Variants in KLF8 observed in about 807,000 individuals in gnomAD.
The protein encoded by KLF8 is KLF transcription factor 8.
KLF8 carries 10 observed loss-of-function variants against 18.2 expected under a neutral mutation model. The ratio of observed to expected loss-of-function variants is 0.55; its 90% CI spans 0.34 to 0.93. The LOEUF (loss-of-function observed/expected upper bound fraction) is 0.93. Among genes scored for constraint, KLF8 ranks in the 40% least tolerant of loss-of-function variants. The probability of loss-of-function intolerance (pLI) is 0.02; values close to 1 mark genes in which losing one functional copy is unlikely to be tolerated. For synonymous variants in KLF8, 109 were observed against 97.3 expected, an observed-to-expected ratio of 1.12 and a Z score of -0.71; for missense variants, 264 against 277.9, an observed-to-expected ratio of 0.95 and a Z score of 0.36.
chrX:56,101,508 T>C, the KLF8 span, among the ~76,000 whole-genome samples: 5 of 111,900 alleles, frequency 4.5e-5, no homozygotes, highest in Admixed American at 3.8e-4. Flanking sequence ...CGTCAAATGG[T>C]AGCTCCATTT....
the KLF8 span, among the ~76,000 whole-genome samples, chrX:56,189,342 A>T: frequency 8.9e-6 from 1 of 111,941 alleles, no homozygotes; most frequent in East Asian, 2.8e-4. Flanking sequence ...CACCAGTTAG[A>T]ATGGCAATCA....
chrX:56,133,932 A>AG, the KLF8 span, among the ~76,000 whole-genome samples: 4 of 111,005 alleles, frequency 3.6e-5, no homozygotes, highest in African/African-American at 9.8e-5. Context: ...CAAAAAAAAA[A>AG]AAATACTTAG....
chrX:55,952,784 T>A, the KLF8 span, among the ~76,000 whole-genome samples: 1 of 112,363 alleles, frequency 8.9e-6, no homozygotes, highest in East Asian at 2.8e-4. Flanking sequence ...TGACTGCTAA[T>A]ATTTACTTAT....
chrX:56,151,325 A>C, the KLF8 span, among the ~76,000 whole-genome samples: 1 of 111,942 alleles, frequency 8.9e-6, no homozygotes, highest in Non-Finnish European at 1.9e-5. Context: ...CAACTATAGA[A>C]GTATTCTCTA....
At chrX:55,944,833 A>G in the KLF8 span, among the ~76,000 whole-genome samples, 3 of 110,838 alleles carry the variant, frequency 2.7e-5, no homozygotes, top group East Asian at 8.5e-4. Context: ...TATTTCCTTC[A>G]GTTCTGCTGT....
At chrX:56,111,756 G>T in the KLF8 span, among the ~76,000 whole-genome samples, 4 of 112,192 alleles carry the variant, frequency 3.6e-5, no homozygotes, top group Non-Finnish European at 1.9e-5. Context: ...CGCCATTAGA[G>T]AAATGCAAAT....
the KLF8 span, among the ~76,000 whole-genome samples, chrX:55,997,220 T>C: frequency 8.9e-6 from 1 of 112,121 alleles, no homozygotes; most frequent in Non-Finnish European, 1.9e-5. Context: ...AGCCCTGTTA[T>C]GTCCAGGTCC....
the KLF8 span, among the ~76,000 whole-genome samples, chrX:56,148,590 C>A: frequency 2.7e-5 from 3 of 111,983 alleles, no homozygotes; most frequent in Admixed American, 2.9e-4. Flanking sequence ...TAAAGACATA[C>A]TCAAGACTGG....
chrX:56,152,525 G>A, the KLF8 span, among the ~76,000 whole-genome samples: 1 of 111,098 alleles, frequency 9.0e-6, no homozygotes, highest in African/African-American at 3.3e-5. Context: ...AATAATAGAG[G>A]AGGGATGGCA....
chrX:56,233,411 C>T, intron 1 of KLF8, 70 bp downstream of exon 1: 1 of 801,000 alleles, frequency 1.2e-6, no homozygotes, highest in African/African-American at 2.0e-5. Flanking sequence ...CCCTCCCAGT[C>T]CCCCTGCTCC....
chrX:55,968,264 G>A, the KLF8 span, among the ~76,000 whole-genome samples: 1 of 111,220 alleles, frequency 9.0e-6, no homozygotes, highest in African/African-American at 3.3e-5. Context: ...TAGTAACATT[G>A]ACTGTAAATG....
At chrX:56,086,805 G>T in the KLF8 span, among the ~76,000 whole-genome samples, 1 of 111,071 alleles carries the variant, frequency 9.0e-6, no homozygotes, top group Non-Finnish European at 1.9e-5. Context: ...TTAGTAATTA[G>T]CAATGGTTTA....
chrX:55,929,102 T>A, the KLF8 span, among the ~76,000 whole-genome samples: 1 of 112,713 alleles, frequency 8.9e-6, no homozygotes, highest in Non-Finnish European at 1.9e-5. Flanking sequence ...TGGTTTTGAT[T>A]TGCATTTCTC....
chrX:56,045,911 G>C, the KLF8 span, among the ~76,000 whole-genome samples: 1 of 111,607 alleles, frequency 9.0e-6, no homozygotes, highest in Non-Finnish European at 1.9e-5. Flanking sequence ...AGCAGGCATC[G>C]TTGTCTCTTC....
the KLF8 span, among the ~76,000 whole-genome samples, chrX:56,052,745 G>A: frequency 8.9e-6 from 1 of 112,150 alleles, no homozygotes; most frequent in Non-Finnish European, 1.9e-5. Context: ...TGCCCCCAGA[G>A]GTGTAGCCTA....
the KLF8 span, among the ~76,000 whole-genome samples, chrX:56,015,612 C>A: frequency 0.028 from 3,161 of 111,990 alleles, 120 homozygotes; most frequent in African/African-American, 0.098. Context: ...GTAGCTCTAG[C>A]ACTTTCTGAC....
the KLF8 span, among the ~76,000 whole-genome samples, chrX:56,146,176 T>C: frequency 1.8e-5 from 2 of 111,828 alleles, no homozygotes; most frequent in Admixed American, 1.9e-4. Flanking sequence ...GATCTAGAAC[T>C]AGAAATACCA....
intron 1 of KLF8, among the ~76,000 whole-genome samples, chrX:56,241,176 A>AT (rs1285768102): frequency 6.4e-5 from 7 of 110,102 alleles, no homozygotes; most frequent in Non-Finnish European, 1.3e-4. Context: ...ATCACCCATA[A>AT]TTTTTTTTTG....
the KLF8 span, among the ~76,000 whole-genome samples, chrX:56,178,983 A>G: frequency 2.7e-5 from 3 of 112,095 alleles, no homozygotes; most frequent in Non-Finnish European, 5.6e-5. Context: ...TTTTGGTTCC[A>G]TATGACTTTT....
Sources: gnomAD v4.1 joint callset for allele counts (sites outside exome capture counted in the v4.1 genomes callset) on GRCh38, gnomAD v4.1.1 for gene constraint, MANE v1.5 for transcripts, NCBI Gene and HGNC (gene_info 2026-07-23, HGNC 2026-07-21) for gene names.